Variants in PIK3C2G observed in about 807,000 individuals in gnomAD.
PIK3C2G encodes phosphatidylinositol-4-phosphate 3-kinase catalytic subunit type 2 gamma, also known as phosphatidylinositol 3-kinase C2 domain-containing subunit gamma.
PIK3C2G carries 168 observed loss-of-function variants against 181.1 expected under a neutral mutation model. The observed-to-expected ratio is 0.93, with a 90% confidence interval of 0.82 to 1.05. The LOEUF (loss-of-function observed/expected upper bound fraction) is 1.05, where lower values mean the gene tolerates loss of function less well. Ranked by LOEUF, PIK3C2G falls within the 50% of genes least tolerant of loss-of-function variation. The probability of loss-of-function intolerance (pLI) is 0.00; values close to 1 mark genes in which losing one functional copy is unlikely to be tolerated. For missense variants in PIK3C2G, 1,869 were observed against 1,732.8 expected (o/e 1.08, Z -1.40); for synonymous variants, 573 against 592.2 (o/e 0.97, Z 0.47).
chr12:18,455,116 C>T (rs966845027), intron 18 of PIK3C2G, among the ~76,000 whole-genome samples: 3 of 152,156 alleles, frequency 2.0e-5, no homozygotes, highest in East Asian at 1.9e-4. Context: ...AGCAAACATA[C>T]AAGGATAGCT....
chr12:18,612,582 A>T (rs1367521727), intron 31 of PIK3C2G, among the ~76,000 whole-genome samples: 4 of 152,104 alleles, frequency 2.6e-5, no homozygotes, highest in Admixed American at 1.3e-4. Context: ...GCTTCCTTTA[A>T]ATGATTATTT....
chr12:18,639,361 A>G (rs920769284), intron 31 of PIK3C2G, among the ~76,000 whole-genome samples: 1 of 152,134 alleles, frequency 6.6e-6, no homozygotes, highest in Non-Finnish European at 1.5e-5. Flanking sequence ...TGGTTTTCAC[A>G]TGTGAATATC....
At chr12:18,265,347 T>C (rs935884013) in intron 1 of PIK3C2G, among the ~76,000 whole-genome samples, 9 of 152,284 alleles carry the variant, frequency 5.9e-5, no homozygotes, top group Admixed American at 2.0e-4. Flanking sequence ...AATGTTTTTG[T>C]ATGATTTATT....
rs1397883024 is a variant in PIK3C2G, at chr12:18,538,200, T to A, written c.3368T>A (p.Ile1123Asn). Residue 1123 changes from isoleucine to asparagine, a missense_variant, in exon 25 of 33, where the codon ATT becomes AAT. Ile to Asn is a moderately radical substitution (Grantham distance 149, BLOSUM62 -3). Coordinates refer to ENST00000538779, the MANE Select transcript of PIK3C2G (RefSeq NM_001288772.2). ...TTTACTTCAGAGATGGAATACTTTA[T>A]TACAGAGGGTGGGAAAAACCCACAG... ...FIFTSEMEYF[I>N]TEGGKNPQHF... The A allele has an allele frequency of 1.9e-6, 3 of 1,612,424 alleles. No individual in the cohort carries two copies. In the South Asian group the frequency reaches 3.3e-5, roughly 18 times the overall value.
intron 1 of PIK3C2G, among the ~76,000 whole-genome samples, chr12:18,272,230 T>C (rs1018675036): frequency 1.3e-5 from 2 of 152,206 alleles, no homozygotes; most frequent in African/African-American, 4.8e-5. Context: ...AGAAACCATA[T>C]TATTTTTTCT....
At chr12:18,538,669 T>C (rs1456739510) in intron 25 of PIK3C2G, among the ~76,000 whole-genome samples, 1 of 151,946 alleles carries the variant, frequency 6.6e-6, no homozygotes, top group Non-Finnish European at 1.5e-5. Context: ...CATTTATATA[T>C]CATGACAACC....
chr12:18,419,207 G>A (rs1446748411), intron 16 of PIK3C2G, among the ~76,000 whole-genome samples: 1 of 152,146 alleles, frequency 6.6e-6, no homozygotes, highest in Non-Finnish European at 1.5e-5. Flanking sequence ...TAAACACATA[G>A]TTAAAGATAT....
At chr12:18,702,016 AT>A in the PIK3C2G span, among the ~76,000 whole-genome samples, 496 of 151,874 alleles carry the variant, frequency 3.3e-3, 2 homozygotes, top group Middle Eastern at 0.014. Flanking sequence ...ACCATATGCC[AT>A]TTTTTTTATA....
chr12:18,444,252 T>C (rs1168089442), intron 18 of PIK3C2G, among the ~76,000 whole-genome samples: 2 of 152,168 alleles, frequency 1.3e-5, no homozygotes, highest in African/African-American at 2.4e-5. Context: ...GGGCCTTTAG[T>C]AGTCTTATCA....
intron 16 of PIK3C2G, among the ~76,000 whole-genome samples, chr12:18,417,211 T>G (rs1179921928): frequency 6.6e-6 from 1 of 152,072 alleles, no homozygotes; most frequent in Non-Finnish European, 1.5e-5. Flanking sequence ...CATGACAAAT[T>G]TGAAGGGATG....
the PIK3C2G span, chr12:18,684,223 C>A: frequency 6.8e-6 from 11 of 1,611,220 alleles, no homozygotes; most frequent in African/African-American, 1.3e-5. Flanking sequence ...CGTATCAATG[C>A]CAATTCTGGG....
At chr12:18,424,135 T>G (rs1462133448) in intron 18 of PIK3C2G, 96 bp downstream of exon 18, 1 of 730,822 alleles carries the variant, frequency 1.4e-6, no homozygotes, top group African/African-American at 1.8e-5. Flanking sequence ...TACCTTATAA[T>G]TGATACAGAC....
chr12:18,708,183 A>G, the PIK3C2G span, among the ~76,000 whole-genome samples: 2 of 151,882 alleles, frequency 1.3e-5, no homozygotes, highest in South Asian at 4.2e-4. Context: ...CCCTCCCCAC[A>G]CCTCGTTCCT....
At chr12:18,287,591 C>T (rs191932255) in intron 3 of PIK3C2G, among the ~76,000 whole-genome samples, 3 of 152,314 alleles carry the variant, frequency 2.0e-5, no homozygotes, top group Non-Finnish European at 4.4e-5. Context: ...CGCGGTAGCT[C>T]ACGCCTGTAA....
At chr12:18,336,043 T>G (rs867662439) in intron 8 of PIK3C2G, among the ~76,000 whole-genome samples, 19 of 152,150 alleles carry the variant, frequency 1.2e-4, no homozygotes, top group African/African-American at 3.9e-4. Context: ...GACTTTTCAG[T>G]TTTTTATGAT....
At chr12:18,489,820 A>G (rs2136057369) in intron 19 of PIK3C2G, among the ~76,000 whole-genome samples, 1 of 152,200 alleles carries the variant, frequency 6.6e-6, no homozygotes, top group East Asian at 1.9e-4. Context: ...AATCCCTCAC[A>G]TGTTTAAGAT....
chr12:18,708,085 C>T, the PIK3C2G span, among the ~76,000 whole-genome samples: 2 of 152,122 alleles, frequency 1.3e-5, no homozygotes, highest in South Asian at 4.1e-4. Context: ...ACCTATAATC[C>T]TCATATGATA....
At chr12:18,423,908 T>C in intron 17 of PIK3C2G, 37 bp from the exon 18 acceptor site, 1 of 1,304,760 alleles carries the variant, frequency 7.7e-7, no homozygotes, top group South Asian at 1.2e-5. Context: ...TATAATTTTG[T>C]TACTGAGAAG....
At chr12:18,647,757 C>T (rs1184462557) in intron 32 of PIK3C2G, 119 bp from the exon 33 acceptor site, 1 of 452,550 alleles carries the variant, frequency 2.2e-6, no homozygotes, top group African/African-American at 2.0e-5. Context: ...TGACATTAAC[C>T]TATCTATTCC....
Sources: gnomAD v4.1 joint callset for allele counts (sites outside exome capture counted in the v4.1 genomes callset) on GRCh38, gnomAD v4.1.1 for gene constraint, MANE v1.5 for transcripts, NCBI Gene and HGNC (gene_info 2026-07-23, HGNC 2026-07-21) for gene names.